NOP58: variants seen among roughly 807,000 people sequenced by gnomAD.
NOP58 encodes NOP58 ribonucleoprotein.
Under a neutral mutation model 71.2 loss-of-function variants are expected in NOP58, and 44 were observed. That is an observed-to-expected ratio of 0.62 (90% CI 0.49 to 0.79). NOP58 has a LOEUF of 0.79. Ranked by LOEUF, NOP58 falls within the 30% of genes least tolerant of loss-of-function variation. The probability of loss-of-function intolerance (pLI) is 0.00; values close to 1 mark genes in which losing one functional copy is unlikely to be tolerated. For synonymous variants in NOP58, 228 were observed against 200.3 expected, an observed-to-expected ratio of 1.14 and a Z score of -1.17; for missense variants, 538 against 620.2, an observed-to-expected ratio of 0.87 and a Z score of 1.41.
Position 202,290,443 on chromosome 2 carries a change from G to A in NOP58, c.620G>A (p.Cys207Tyr). ...TCAGATAATTTAACATACTGCAAGT[G>A]TTTACAGAAAGTTGGTGAGTAATTT... ...IISDNLTYCK[C>Y]LQKVGDRKNY... is the part of the protein sequence containing the mutation. The change falls in exon 7 of 15, where the codon TGT (cysteine) becomes TAT (tyrosine). Residue 207 changes from cysteine (C) to tyrosine (Y), a missense_variant. Transcript: ENST00000264279. 1.9e-6 allele frequency: 3 copies of A among 1,608,816 alleles called. No individual in the cohort carries two copies. The highest frequency in any genetic ancestry group is 2.5e-6 in the Non-Finnish European group (3 of 1,178,226).
At chr2:202,299,386 T>G (rs1689052541) in intron 12 of NOP58, among the ~76,000 whole-genome samples, 1 of 152,218 alleles carries the variant, frequency 6.6e-6, no homozygotes, top group Non-Finnish European at 1.5e-5. Context: ...TCAAATGTGT[T>G]TCTGTGGGCA....
At chr2:202,279,613 G>A (rs931613042) in intron 3 of NOP58, among the ~76,000 whole-genome samples, 1 of 152,132 alleles carries the variant, frequency 6.6e-6, no homozygotes, top group African/African-American at 2.4e-5. Flanking sequence ...TGGCCAACAT[G>A]GTGAAACCTC....
chr2:202,290,552 C>T, intron 7 of NOP58, 95 bp downstream of exon 7: 1 of 1,158,980 alleles, frequency 8.6e-7, no homozygotes, highest in Non-Finnish European at 1.2e-6. Context: ...GCAAGATTCC[C>T]AGGGTTTTTG....
intron 2 of NOP58, 43 bp from the exon 3 acceptor site, chr2:202,277,907 C>T (rs774242407): frequency 1.9e-6 from 2 of 1,038,702 alleles, no homozygotes; most frequent in Non-Finnish European, 2.9e-6. Context: ...AATCAACGCA[C>T]TGCCCCCAAT....
At chr2:202,300,195 A>G in intron 12 of NOP58, 39 bp from the exon 13 acceptor site, 2 of 1,514,506 alleles carry the variant, frequency 1.3e-6, no homozygotes, top group Non-Finnish European at 1.8e-6. Flanking sequence ...AATTCCAGAT[A>G]CTTGTTAGAG....
intron 5 of NOP58, among the ~76,000 whole-genome samples, chr2:202,286,898 A>T (rs183358671): frequency 1.3e-5 from 2 of 152,298 alleles, no homozygotes; most frequent in East Asian, 1.9e-4. Flanking sequence ...TACAACAAGG[A>T]ATTAGGCCCA....
chr2:202,268,684 T>C (rs1688461214), intron 1 of NOP58, among the ~76,000 whole-genome samples: 1 of 150,016 alleles, frequency 6.7e-6, no homozygotes, highest in Non-Finnish European at 1.5e-5. Context: ...CGATCTTGGC[T>C]CACCACAACC....
At chr2:202,294,104 C>T (rs2105853153) in intron 9 of NOP58, among the ~76,000 whole-genome samples, 1 of 151,458 alleles carries the variant, frequency 6.6e-6, no homozygotes, top group East Asian at 2.0e-4. Context: ...CACCTGAGGT[C>T]AGGAGTTCGA....
chr2:202,271,933 G>A (rs1688517270), intron 1 of NOP58, among the ~76,000 whole-genome samples: 1 of 152,132 alleles, frequency 6.6e-6, no homozygotes, highest in African/African-American at 2.4e-5. Context: ...AACAAAGCGA[G>A]ACCCTGTCTC....
chr2:202,291,729 C>T (rs1688901183), intron 8 of NOP58, among the ~76,000 whole-genome samples: 1 of 144,498 alleles, frequency 6.9e-6, no homozygotes, highest in South Asian at 2.1e-4. Flanking sequence ...ATCGCTTGAA[C>T]CAGGGAGGGG....
chr2:202,290,594 T>G (rs1212593821), intron 7 of NOP58, 137 bp downstream of exon 7: 5 of 707,208 alleles, frequency 7.1e-6, no homozygotes, highest in Non-Finnish European at 1.2e-5. Flanking sequence ...GTGTAGCAGT[T>G]TAGTGTCTTA....
At chr2:202,287,031 A>G (rs1688798446) in intron 5 of NOP58, among the ~76,000 whole-genome samples, 2 of 145,828 alleles carry the variant, frequency 1.4e-5, no homozygotes, top group Admixed American at 6.8e-5. Context: ...AAAGCTTAAT[A>G]TGTGCTATTA....
At chr2:202,291,939 G>A (rs1465966912) in intron 8 of NOP58, among the ~76,000 whole-genome samples, 4 of 134,842 alleles carry the variant, frequency 3.0e-5, no homozygotes, top group African/African-American at 5.4e-5. Flanking sequence ...ATTAAAAAGA[G>A]CATGATACAA....
rs182145541 is a variant in NOP58 at position 202,283,943 on chromosome 2, A to G, written c.298-402A>G. On this transcript the variant is annotated intron_variant, in intron 4 of 14. Transcript: ENST00000264279. ...CACTGGAAATTATGCTTCTTGTCCA[A>G]CTGAGAAATGCGTATATTTAAATTA... 7.2e-5 allele frequency among the ~76,000 whole-genome samples: 11 copies of G among 152,256 alleles called. No homozygotes were observed. The East Asian group carries it at 2.1e-3, about 29-fold the overall frequency.
chr2:202,292,757 A>G lies in NOP58; in HGVS notation c.781-20A>G, dbSNP rs1474965611. On this transcript the variant is annotated intron_variant, in intron 8 of 14. Transcript: ENST00000264279. ...TTTACTCATATGATATTTGTGACTT[A>G]ACTTTATTCCTTATACTAGGTGATT... 4 of 1,595,224 alleles carry G rather than the reference A, an allele frequency of 2.5e-6. No homozygotes were observed. In the African/African-American group the frequency reaches 5.4e-5, roughly 21 times the overall value.
At chr2:202,298,419 G>A (rs1055740656) in intron 12 of NOP58, among the ~76,000 whole-genome samples, 6 of 152,190 alleles carry the variant, frequency 3.9e-5, no homozygotes, top group Admixed American at 3.3e-4. Context: ...GGGAGGCTGA[G>A]GCAGGCAGAT....
Position 202,295,722 on chromosome 2 carries a change from T to G in NOP58, c.956T>G (p.Leu319Arg). The change falls in exon 10 of 15, where the codon CTT (leucine) becomes CGT (arginine). Residue 319 changes from leucine (L) to arginine (R), a missense_variant. By Grantham distance (102) the Leu-to-Arg change is moderately radical. Coordinates refer to ENST00000264279, the MANE Select transcript of NOP58 (RefSeq NM_015934.5). ...CATGCAGCTTCTACCGTTCAGATTC[T>G]TGGAGCTGAAAAGGCACTTTTCAGA... ...AKHAASTVQI[L>R]GAEKALFRAL... 2 of 1,610,394 alleles carry G rather than the reference T, an allele frequency of 1.2e-6. No homozygotes were observed. Among genetic ancestry groups the G allele is most frequent in the Non-Finnish European group, 1.7e-6 (2 of 1,178,728 alleles).
chr2:202,272,949 AC>A (rs1263990519), intron 1 of NOP58, among the ~76,000 whole-genome samples: 1 of 152,110 alleles, frequency 6.6e-6, no homozygotes, highest in Admixed American at 6.5e-5. Flanking sequence ...CCTGGCTAAC[AC>A]GGTGAAACCC....
intron 5 of NOP58, 80 bp from the exon 6 acceptor site, chr2:202,287,580 C>CAA: frequency 3.6e-6 from 4 of 1,111,752 alleles, no homozygotes; most frequent in African/African-American, 1.6e-5. Context: ...AAAACAAAAA[C>CAA]AAAAAAAAAC....
Sources: gnomAD v4.1 joint callset for allele counts (sites outside exome capture counted in the v4.1 genomes callset) on GRCh38, gnomAD v4.1.1 for gene constraint, MANE v1.5 for transcripts, NCBI Gene and HGNC (gene_info 2026-07-23, HGNC 2026-07-21) for gene names.